SBF2: variants seen among roughly 807,000 people sequenced by gnomAD.
SBF2 encodes the protein myotubularin-related protein 13.
SBF2 carries 112 observed loss-of-function variants against 225.2 expected under a neutral mutation model. The ratio of observed to expected loss-of-function variants is 0.50; its 90% CI spans 0.43 to 0.58. SBF2 has a LOEUF of 0.58. Ranked by LOEUF, SBF2 falls within the 20% of genes least tolerant of loss-of-function variation. The probability of loss-of-function intolerance (pLI) is 0.00; values close to 1 mark genes in which losing one functional copy is unlikely to be tolerated. For missense variants in SBF2, 1,996 were observed against 2,206.2 expected (o/e 0.90, Z 1.91); for synonymous variants, 763 against 773.3 (o/e 0.99, Z 0.22).
At position 9,782,975 on chromosome 11, in the gene SBF2, G is replaced by C. The variant is rs574805267; in HGVS notation, c.5320-1337C>G. The C allele has an allele frequency of 8.5e-5, 13 of 152,236 alleles. No homozygotes were observed. In the East Asian group the frequency reaches 2.5e-3, roughly 29 times the overall value. The allele number at this position is 152,236 out of a possible 1,614,324, so 9.4% of individuals were successfully genotyped here. A position where few individuals can be genotyped will look rare whatever the true frequency, so the allele number is the denominator to read the frequency against. ...TGGATTTCACTCTCTAGTATACATGGCAAGAAAGTGGTGCTTCTGATACCG... is the reference window on the plus strand; with the variant it reads ...TGGATTTCACTCTCTAGTATACATGCCAAGAAAGTGGTGCTTCTGATACCG... On this transcript the variant is annotated intron_variant, in intron 38 of 39. Coordinates refer to ENST00000256190, the MANE Select transcript of SBF2 (RefSeq NM_030962.4).
intron 2 of SBF2, among the ~76,000 whole-genome samples, chr11:10,131,889 T>C (rs957153891): frequency 6.6e-6 from 1 of 152,232 alleles, no homozygotes; most frequent in African/African-American, 2.4e-5. Context: ...CAATTTTTTA[T>C]AGATCATGTT....
intron 2 of SBF2, chr11:10,164,841 T>A (rs1448238850): frequency 2.6e-5 from 4 of 152,232 alleles, no homozygotes; most frequent in Non-Finnish European, 5.9e-5. Context: ...GATCTCAATA[T>A]CTCAACACAC....
At chr11:9,796,504 T>C (rs928163631) in intron 32 of SBF2, among the ~76,000 whole-genome samples, 12 of 152,312 alleles carry the variant, frequency 7.9e-5, no homozygotes, top group Middle Eastern at 3.4e-3. Flanking sequence ...GAAGAGAAGG[T>C]GGCTGCTTAA....
rs1487179156 is a variant in SBF2 at position 9,780,240 on chromosome 11, G to A, written c.*178C>T. 1 of 665,354 alleles carries A rather than the reference G, an allele frequency of 1.5e-6. No individual in the cohort carries two copies. The highest frequency in any genetic ancestry group is 2.7e-6 in the Non-Finnish European group (1 of 365,332). 41.2% of individuals were successfully genotyped at this position (665,354 alleles called of 1,614,324 possible). A position where few individuals can be genotyped will look rare whatever the true frequency, so the allele number is the denominator to read the frequency against. ...GTGCATGGGGCTGTTGACCAGACCTGTGTGAAACACCTATTCAGGTTAAGT... is the reference window on the plus strand; with the variant it reads ...GTGCATGGGGCTGTTGACCAGACCTATGTGAAACACCTATTCAGGTTAAGT... On this transcript the variant is annotated 3_prime_UTR_variant, in exon 40 of 40. Coordinates refer to ENST00000256190, the MANE Select transcript of SBF2 (RefSeq NM_030962.4).
At chr11:9,872,968 T>C (rs774434195) in intron 17 of SBF2, among the ~76,000 whole-genome samples, 2 of 151,972 alleles carry the variant, frequency 1.3e-5, no homozygotes, top group African/African-American at 2.4e-5. Context: ...CTGAAATGTA[T>C]ACATATATGC....
rs747783915 is a variant in SBF2, at chr11:9,812,656, T to C, written c.4031A>G (p.His1344Arg). 4 of 1,614,224 alleles carry C rather than the reference T, an allele frequency of 2.5e-6. 1 individual carries two copies. The South Asian group carries it at 4.4e-5, about 18-fold the overall frequency. The change falls in exon 30 of 40, where the codon CAT becomes CGT. Residue 1344 changes from histidine to arginine, a missense_variant. By Grantham distance (29) the His-to-Arg change is conservative. Transcript: ENST00000256190. ...LNCEFVPVEF[H>R]EIRQVKASFK... ...ACTGGCTTTCACTTGCCGGATTTCATGAAATTCAACAGGAACAAACTCACA... is the reference window on the plus strand; with the variant it reads ...ACTGGCTTTCACTTGCCGGATTTCACGAAATTCAACAGGAACAAACTCACA...
At chr11:9,923,655 C>T (rs556373167) in intron 16 of SBF2, among the ~76,000 whole-genome samples, 3 of 152,312 alleles carry the variant, frequency 2.0e-5, no homozygotes, top group South Asian at 4.1e-4. Flanking sequence ...CAGGCTCCTC[C>T]TGGCACATGG....
rs1455903761 is a variant in SBF2 at position 10,196,856 on chromosome 11, A to T, written c.56-2869T>A. 1.1e-3 allele frequency among the ~76,000 whole-genome samples: 19 copies of T among 17,834 alleles called. 1 individual carries two copies. The highest frequency in any genetic ancestry group is 2.2e-3 in the Admixed American group (3 of 1,390). The allele number at this position is 17,834 out of a possible 152,430, so 11.7% of individuals were successfully genotyped here. On this transcript the variant is annotated intron_variant, in intron 1 of 39. Transcript: ENST00000256190. ...TGCATAAATATATATATATATATAT[A>T]TATATATATATTTTTTTTTTCCTAC...
chr11:9,913,819 C>T (rs556700873), intron 16 of SBF2, among the ~76,000 whole-genome samples: 1 of 152,292 alleles, frequency 6.6e-6, no homozygotes, highest in East Asian at 1.9e-4. Context: ...CACTTTACCA[C>T]AATACATTAG....
At chr11:10,199,790 T>C (rs1957509723) in intron 1 of SBF2, among the ~76,000 whole-genome samples, 2 of 151,962 alleles carry the variant, frequency 1.3e-5, no homozygotes, top group South Asian at 4.2e-4. Flanking sequence ...TACAAACCTG[T>C]AGTCCCAGCT....
In SBF2 at chr11:9,780,351, GCTT is replaced by G; in HGVS notation, c.*64_*66del. 1 of 1,377,600 alleles carries G rather than the reference GCTT, an allele frequency of 7.3e-7. No individual in the cohort carries two copies. Among genetic ancestry groups the G allele is most frequent in the Non-Finnish European group, 1.0e-6 (1 of 974,998 alleles). The allele number at this position is 1,377,600 out of a possible 1,614,324, so 85.3% of individuals were successfully genotyped here. ...TGTTGTCAGCTCCTCAAGGATCCATGCTTCTTTTTCTATCTATCTGGCAGCATG... is the reference window on the plus strand; with the variant it reads ...TGTTGTCAGCTCCTCAAGGATCCATGCTTTTTCTATCTATCTGGCAGCATG... On this transcript the variant is annotated 3_prime_UTR_variant, in exon 40 of 40. Transcript: ENST00000256190.
chr11:9,874,338 T>C (rs7929338), intron 17 of SBF2, among the ~76,000 whole-genome samples: 40,372 of 152,060 alleles, frequency 0.27, 6,290 homozygotes, highest in African/African-American at 0.43. Context: ...ATTACAGTTT[T>C]ATAGTATGTC....
intron 16 of SBF2, among the ~76,000 whole-genome samples, chr11:9,933,952 GA>G (rs1864693032): frequency 6.6e-6 from 1 of 152,068 alleles, no homozygotes; most frequent in Admixed American, 6.6e-5. Context: ...GAATCAAACA[GA>G]TGCAATAAAA....
chr11:9,875,392 G>T (rs7124727), intron 17 of SBF2, among the ~76,000 whole-genome samples: 132,140 of 152,204 alleles, frequency 0.87, 57,622 homozygotes, highest in African/African-American at 0.9. Flanking sequence ...TCCTACCCAC[G>T]AGCTCCTCTT....
intron 2 of SBF2, among the ~76,000 whole-genome samples, chr11:10,172,940 C>CT (rs1282194550): frequency 6.6e-6 from 1 of 152,130 alleles, no homozygotes; most frequent in African/African-American, 2.4e-5. Context: ...AGTGCTGGGA[C>CT]TACAGGCATG....
intron 1 of SBF2, among the ~76,000 whole-genome samples, chr11:10,211,757 A>G (rs977525819): frequency 6.6e-6 from 1 of 152,222 alleles, no homozygotes; most frequent in Non-Finnish European, 1.5e-5. Flanking sequence ...ACGGTGTACT[A>G]TACTGCTGGG....
At chr11:10,204,657 C>CAAA (rs75767484) in intron 1 of SBF2, among the ~76,000 whole-genome samples, 1 of 136,946 alleles carries the variant, frequency 7.3e-6, no homozygotes, top group Non-Finnish European at 1.6e-5. Context: ...CACTCCATCT[C>CAAA]AAAAAAAAAA....
chr11:9,927,366 T>G (rs1183636791), intron 16 of SBF2, among the ~76,000 whole-genome samples: 1 of 152,146 alleles, frequency 6.6e-6, no homozygotes, highest in African/African-American at 2.4e-5. Context: ...AGCCGGAGTA[T>G]GCACTTCCCA....
At chr11:10,295,612 C>T (rs955991922), upstream of SBF2, among the ~76,000 whole-genome samples, 1 of 151,648 alleles carries the variant, frequency 6.6e-6, no homozygotes, top group African/African-American at 2.4e-5. Context: ...CTCAGTCATA[C>T]CCCGTGCAGC....
Sources: allele counts gnomAD v4.1 joint callset (sites outside exome capture counted in the v4.1 genomes callset), GRCh38; gene constraint gnomAD v4.1.1; transcripts MANE v1.5; gene names NCBI Gene and HGNC (gene_info 2026-07-23, HGNC 2026-07-21).